Variants in CTSO observed in about 807,000 individuals in gnomAD.
CTSO encodes cathepsin O.
In CTSO, 40 loss-of-function variants were observed where a neutral mutation model predicts 42.4. The ratio of observed to expected loss-of-function variants is 0.94; its 90% CI spans 0.73 to 1.23. CTSO has a LOEUF of 1.23. CTSO is among the 50% of genes most tolerant of loss of function. CTSO has a pLI of 0.00. For missense variants in CTSO, 441 were observed against 396.0 expected, an observed-to-expected ratio of 1.11 and a Z score of -0.96; for synonymous variants, 156 against 146.2, an observed-to-expected ratio of 1.07 and a Z score of -0.48.
chr4:155,946,492 T>C (rs1316242993), intron 1 of CTSO, among the ~76,000 whole-genome samples: 1 of 152,228 alleles, frequency 6.6e-6, no homozygotes, highest in Non-Finnish European at 1.5e-5. Flanking sequence ...TATCTCCACA[T>C]ATATTTTCTA....
chr4:155,928,298 A>G, intron 7 of CTSO, 38 bp downstream of exon 7: 2 of 1,413,958 alleles, frequency 1.4e-6, no homozygotes, highest in Non-Finnish European at 2.0e-6. Flanking sequence ...TCTCCTTAAT[A>G]TTTATATTGA....
intron 1 of CTSO, among the ~76,000 whole-genome samples, chr4:155,947,406 A>C (rs1482969854): frequency 1.3e-5 from 2 of 152,202 alleles, no homozygotes; most frequent in Non-Finnish European, 2.9e-5. Context: ...GGATTATAGA[A>C]ATGGCGCTCA....
chr4:155,928,530 T>C, intron 6 of CTSO, 102 bp from the exon 7 acceptor site: 1 of 763,900 alleles, frequency 1.3e-6, no homozygotes, highest in Non-Finnish European at 2.1e-6. Context: ...GGATAGTAGC[T>C]CTGAGAAGAA....
At chr4:155,952,426 G>C (rs1433081025) in intron 1 of CTSO, among the ~76,000 whole-genome samples, 1 of 152,182 alleles carries the variant, frequency 6.6e-6, no homozygotes, top group Non-Finnish European at 1.5e-5. Context: ...ATTTTTAGGA[G>C]CCTGACAGTG....
intron 7 of CTSO, among the ~76,000 whole-genome samples, chr4:155,927,994 T>C (rs1330373378): frequency 6.6e-6 from 1 of 152,152 alleles, no homozygotes; most frequent in Non-Finnish European, 1.5e-5. Flanking sequence ...AATTTATAGT[T>C]ATGAAATGTA....
intron 1 of CTSO, among the ~76,000 whole-genome samples, chr4:155,952,649 C>T (rs1233385496): frequency 1.3e-5 from 2 of 152,164 alleles, no homozygotes; most frequent in Non-Finnish European, 1.5e-5. Context: ...GTACACATCT[C>T]GGTTTGGACA....
rs1743097124 is a variant in CTSO, at chr4:155,924,560, T to C, written c.*1476A>G. 6.6e-6 allele frequency: 1 copy of C among 152,164 alleles called. No homozygotes were observed. The highest frequency in any genetic ancestry group is 2.1e-4 in the South Asian group (1 of 4,834). 9.4% of individuals were successfully genotyped at this position (152,164 alleles called of 1,614,324 possible). A position where few individuals can be genotyped will look rare whatever the true frequency, so the allele number is the denominator to read the frequency against. ...TTAGTGGTTGCTACTGCATTTCATG[T>C]TTCATTTTTGTTAGATCATATACAT... is the stretch of plus-strand genomic sequence containing the variant. On this transcript the variant is annotated 3_prime_UTR_variant, in exon 8 of 8. Transcript: ENST00000433477.
chr4:155,948,981 TGCATGTACTCA>T (rs1743598299), intron 1 of CTSO, among the ~76,000 whole-genome samples: 1 of 152,232 alleles, frequency 6.6e-6, no homozygotes, highest in South Asian at 2.1e-4. Flanking sequence ...ATTTTCTTCT[TGCATGTACTCA>T]ACTGTTTCTA....
intron 5 of CTSO, among the ~76,000 whole-genome samples, chr4:155,934,535 G>A (rs761358926): frequency 4.6e-5 from 7 of 152,320 alleles, no homozygotes; most frequent in Admixed American, 6.5e-5. Context: ...ATGCCAGACC[G>A]TGAAAGCAGC....
intron 1 of CTSO, among the ~76,000 whole-genome samples, chr4:155,948,791 T>C (rs1325981546): frequency 6.6e-6 from 1 of 152,216 alleles, no homozygotes; most frequent in Admixed American, 6.5e-5. Context: ...TCTTAGATAA[T>C]GCTCCGGCTA....
chr4:155,934,249 C>A (rs572658697), intron 5 of CTSO, among the ~76,000 whole-genome samples: 5 of 152,150 alleles, frequency 3.3e-5, no homozygotes, highest in Non-Finnish European at 5.9e-5. Flanking sequence ...GTTGAGCCTG[C>A]GGGTACATAG....
chr4:155,947,672 T>A (rs915839985), intron 1 of CTSO, among the ~76,000 whole-genome samples: 2 of 152,226 alleles, frequency 1.3e-5, no homozygotes, highest in African/African-American at 4.8e-5. Context: ...TTCTTTTAAG[T>A]GACTTTTCCG....
chr4:155,928,551 G>T lies in CTSO; in HGVS notation c.839-123C>A, dbSNP rs1044585614. 4.2e-4 allele frequency: 274 copies of T among 647,856 alleles called. 2 individuals are homozygous for T. The African/African-American group carries it at 4.5e-3, about 11-fold the overall frequency. 40.1% of individuals were successfully genotyped at this position (647,856 alleles called of 1,614,324 possible). On this transcript the variant is annotated intron_variant, in intron 6 of 7. Coordinates refer to ENST00000433477, the MANE Select transcript of CTSO (RefSeq NM_001334.3). ...TAGCTCTGAGAAGAAGATTAAAAAT[G>T]TAATTTAATGGTAACTTAAACTACT...
chr4:155,930,716 G>C (rs751090738), intron 5 of CTSO, among the ~76,000 whole-genome samples: 1 of 152,026 alleles, frequency 6.6e-6, no homozygotes, highest in Non-Finnish European at 1.5e-5. Flanking sequence ...TTTCTAGAGA[G>C]GGAATATTTT....
At chr4:155,942,975 A>G (rs1445116336) in intron 2 of CTSO, among the ~76,000 whole-genome samples, 181 bp downstream of exon 2, 1 of 152,212 alleles carries the variant, frequency 6.6e-6, no homozygotes, top group East Asian at 1.9e-4. Flanking sequence ...CAGTAATTAG[A>G]AGAGACTGGC....
chr4:155,937,548 T>C lies in CTSO; in HGVS notation c.553-65A>G, dbSNP rs539124989. On this transcript the variant is annotated intron_variant, in intron 4 of 7. Coordinates refer to ENST00000433477, the MANE Select transcript of CTSO (RefSeq NM_001334.3). ...GTTTTATAAATCAAATAGAACTTAC[T>C]TCACTGTGTCAAAACAGGTTCAATT... 3.0e-4 allele frequency: 454 copies of C among 1,501,752 alleles called. 7 individuals carry two copies. The South Asian group carries it at 5.0e-3, about 17-fold the overall frequency. The allele number at this position is 1,501,752 out of a possible 1,614,324, so 93.0% of individuals were successfully genotyped here.
chr4:155,943,492 C>T (rs917301161), intron 1 of CTSO, among the ~76,000 whole-genome samples: 3 of 152,012 alleles, frequency 2.0e-5, no homozygotes, highest in Admixed American at 1.3e-4. Context: ...GTATTTTATT[C>T]ATTTATAATT....
At position 155,926,002 on chromosome 4, in the gene CTSO, A is replaced by T. The variant is rs781681309; in HGVS notation, c.*34T>A. On this transcript the variant is annotated 3_prime_UTR_variant, in exon 8 of 8. Transcript: ENST00000433477. ...GTTACATTGCATTATGAAAACCTTC[A>T]TTTTTGTAGCTGTCTCTTGATCTGC... 8.8e-6 allele frequency: 14 copies of T among 1,591,194 alleles called. No homozygotes were observed. The African/African-American group carries it at 1.3e-4, about 15-fold the overall frequency.
At chr4:155,953,500 G>A (rs1003014437) in intron 1 of CTSO, among the ~76,000 whole-genome samples, 13 of 152,224 alleles carry the variant, frequency 8.5e-5, no homozygotes, top group African/African-American at 3.1e-4. Flanking sequence ...CAAGTCTTTT[G>A]GTTAGCAAAG....
Sources: allele counts gnomAD v4.1 joint callset (sites outside exome capture counted in the v4.1 genomes callset), GRCh38; gene constraint gnomAD v4.1.1; transcripts MANE v1.5; gene names NCBI Gene and HGNC (gene_info 2026-07-23, HGNC 2026-07-21).